Variants in MCF2L2 observed in about 807,000 individuals in gnomAD.
The protein encoded by MCF2L2 is MCF.2 cell line derived transforming sequence-like 2.
In MCF2L2, 102 loss-of-function variants were observed where a neutral mutation model predicts 150.2. The observed-to-expected ratio is 0.68, with a 90% CI of 0.58 to 0.80. The LOEUF (loss-of-function observed/expected upper bound fraction) is 0.80. MCF2L2 is among the 30% of genes least tolerant of loss of function. The pLI, the probability that MCF2L2 is intolerant of heterozygous loss-of-function variation, is 0.00. For missense variants in MCF2L2, 1,256 were observed against 1,372.8 expected (o/e 0.91, Z 1.34); for synonymous variants, 465 against 491.3 (o/e 0.95, Z 0.71).
chr3:183,425,662 C>T (rs542566880), intron 1 of MCF2L2, among the ~76,000 whole-genome samples: 25 of 152,274 alleles, frequency 1.6e-4, no homozygotes, highest in African/African-American at 6.0e-4. Context: ...GAGCCTGCCA[C>T]TCACTCCCCC....
In MCF2L2 at chr3:183,311,023, T is replaced by C. The variant is rs751824213; in HGVS notation, c.885A>G (p.Leu295=). The C allele has an allele frequency of 6.3e-7, 1 of 1,594,144 alleles. No homozygotes were observed. Among genetic ancestry groups the C allele is most frequent in the South Asian group, 1.1e-5 (1 of 90,602 alleles). ...CTTTTTCTGTTTCATCCAGTTGAAC[T>C]AATAACCTTTCAAGAAAGAATGAGA... ...LENVTTMERL[L]VQLDETEKAF... is the part of the protein sequence containing the mutation. Residue 295 remains leucine, a synonymous_variant, in exon 9 of 30, where the codon TTA becomes TTG. Coordinates refer to ENST00000328913, the MANE Select transcript of MCF2L2 (RefSeq NM_015078.4).
At chr3:183,384,052 C>T (rs1011384382) in intron 2 of MCF2L2, among the ~76,000 whole-genome samples, 3 of 152,226 alleles carry the variant, frequency 2.0e-5, no homozygotes, top group Non-Finnish European at 4.4e-5. Context: ...CATTCCTGAA[C>T]CTCCACATGG....
At chr3:183,191,002 C>T (rs1721867569) in intron 27 of MCF2L2, among the ~76,000 whole-genome samples, 1 of 152,172 alleles carries the variant, frequency 6.6e-6, no homozygotes, top group South Asian at 2.1e-4. Flanking sequence ...TCTCCTGCCT[C>T]AGCCTCCCGA....
chr3:183,361,543 G>A (rs767159449), intron 3 of MCF2L2, among the ~76,000 whole-genome samples: 20 of 152,168 alleles, frequency 1.3e-4, no homozygotes, highest in Non-Finnish European at 2.8e-4. Context: ...GCCATGGTAA[G>A]GCATGCTTGC....
chr3:183,359,957 G>A (rs1712026087), intron 3 of MCF2L2, among the ~76,000 whole-genome samples: 1 of 151,928 alleles, frequency 6.6e-6, no homozygotes, highest in Non-Finnish European at 1.5e-5. Context: ...TGGAAAACGT[G>A]GGTATTGAAA....
intron 15 of MCF2L2, among the ~76,000 whole-genome samples, chr3:183,251,713 C>T (rs1051506917): frequency 3.9e-5 from 6 of 152,056 alleles, no homozygotes; most frequent in African/African-American, 1.4e-4. Flanking sequence ...GAGCATAGCA[C>T]CATCAATACC....
chr3:183,407,359 T>C (rs1243137801), intron 1 of MCF2L2, among the ~76,000 whole-genome samples: 1 of 152,258 alleles, frequency 6.6e-6, no homozygotes. Flanking sequence ...CTATAGTATC[T>C]CTTTTAGCTG....
intron 27 of MCF2L2, among the ~76,000 whole-genome samples, chr3:183,192,057 G>C (rs751199914): frequency 5.3e-5 from 8 of 150,902 alleles, no homozygotes; most frequent in Non-Finnish European, 8.8e-5. Flanking sequence ...CACTGTGTTA[G>C]CCAGGGTGAT....
At chr3:183,204,992 T>C (rs946719682) in intron 25 of MCF2L2, among the ~76,000 whole-genome samples, 1 of 152,114 alleles carries the variant, frequency 6.6e-6, no homozygotes, top group Non-Finnish European at 1.5e-5. Context: ...AGGTGAGAGA[T>C]GGAGAATGAT....
chr3:183,227,875 C>T lies in MCF2L2; in HGVS notation c.2115+422G>A, dbSNP rs61627892. 0.5 allele frequency: 79,958 copies of T among 161,288 alleles called. 21,565 individuals are homozygous for T. Among genetic ancestry groups the T allele is most frequent in the East Asian group, 0.68 (3,912 of 5,712 alleles). 10.0% of individuals were successfully genotyped at this position (161,288 alleles called of 1,614,324 possible). A position where few individuals can be genotyped will look rare whatever the true frequency, so the allele number is the denominator to read the frequency against. On this transcript the variant is annotated intron_variant, in intron 18 of 29. Transcript: ENST00000328913. The surrounding 1 kb of genome is among the most constrained non-coding windows in gnomAD (Gnocchi z 4.0). ...GTATTATTCCATGATAGTCGCCATG[C>T]TGTGCGTTACATCTCCAGGACTTAC...
intron 25 of MCF2L2, among the ~76,000 whole-genome samples, chr3:183,201,671 A>G (rs1314078471): frequency 2.6e-5 from 4 of 152,104 alleles, no homozygotes; most frequent in Non-Finnish European, 4.4e-5. Flanking sequence ...GTTGAGTAGG[A>G]GTGGTGAGAG....
intron 15 of MCF2L2, among the ~76,000 whole-genome samples, chr3:183,258,684 T>C (rs544160947): frequency 6.6e-6 from 1 of 152,212 alleles, no homozygotes; most frequent in East Asian, 1.9e-4. Flanking sequence ...GTCCCTTATA[T>C]AAAATGGTAC....
chr3:183,210,988 G>C (rs6787284), intron 22 of MCF2L2, among the ~76,000 whole-genome samples: 1 of 151,918 alleles, frequency 6.6e-6, no homozygotes, highest in African/African-American at 2.4e-5. Context: ...GGAGGAAGTG[G>C]TGACCAGCAG....
Position 183,228,345 on chromosome 3 carries a change from T to C in MCF2L2, c.2067A>G (p.Glu689=). 6.2e-7 allele frequency: 1 copy of C among 1,613,210 alleles called. No individual in the cohort carries two copies. Among genetic ancestry groups the C allele is most frequent in the Non-Finnish European group, 8.5e-7 (1 of 1,179,334 alleles). ...GAAGTTCAGGGTTCTCAGCACACTT[T>C]TCCAACTCTTTTAGAAAAGTCCTAG... ...FHNRTFLKEL[E]KCAENPELLA... is the part of the protein sequence containing the mutation. The change falls in exon 18 of 30, where the codon GAA becomes GAG. Residue 689 remains glutamate (E), a synonymous_variant. Coordinates refer to ENST00000328913, the MANE Select transcript of MCF2L2 (RefSeq NM_015078.4).
At chr3:183,369,955 A>G (rs1184922984) in intron 3 of MCF2L2, among the ~76,000 whole-genome samples, 2 of 152,132 alleles carry the variant, frequency 1.3e-5, no homozygotes, top group Non-Finnish European at 2.9e-5. Flanking sequence ...AACTTCTCCA[A>G]CTTCATCTCA....
At chr3:183,413,296 A>G (rs73061124) in intron 1 of MCF2L2, among the ~76,000 whole-genome samples, 8,811 of 152,280 alleles carry the variant, frequency 0.058, 463 homozygotes, top group African/African-American at 0.14. Flanking sequence ...ACAGTTGATT[A>G]ACACTAATTT....
In MCF2L2 at chr3:183,314,236, A is replaced by T. The variant is rs539103206; in HGVS notation, c.754-2464T>A. The stretch of plus-strand genomic sequence containing the variant: ...GGGAGCACTCTCTGATTGTAAGAAT[A>T]CATTAAGGCCCAAACTGTAGCTCAG... On this transcript the variant is annotated intron_variant, in intron 7 of 29. Coordinates refer to ENST00000328913, the MANE Select transcript of MCF2L2 (RefSeq NM_015078.4). Among the ~76,000 whole-genome samples the T allele has an allele frequency of 5.3e-5, 8 of 152,290 alleles. 1 individual carries two copies. In the East Asian group the frequency reaches 1.5e-3, roughly 29 times the overall value.
Position 183,406,581 on chromosome 3 carries a change from C to T in MCF2L2, c.77-16802G>A, listed in dbSNP as rs183774956. 2.4e-4 allele frequency among the ~76,000 whole-genome samples: 36 copies of T among 152,250 alleles called. No homozygotes were observed. The East Asian group carries it at 5.6e-3, about 24-fold the overall frequency. ...TCGGCTCACTGCAACCTCTGCCACC[C>T]GGGTCCAAGCGATTCTCCTGCCTCA... On this transcript the variant is annotated intron_variant, in intron 1 of 29. Transcript: ENST00000328913.
At chr3:183,318,285 A>G in intron 6 of MCF2L2, 68 bp from the exon 7 acceptor site, 2 of 1,546,000 alleles carry the variant, frequency 1.3e-6, no homozygotes, top group Admixed American at 3.3e-5. Flanking sequence ...CTTGATGGAA[A>G]GACAACAGAT....
Sources: gnomAD v4.1 joint callset for allele counts (sites outside exome capture counted in the v4.1 genomes callset) on GRCh38, gnomAD v4.1.1 for gene constraint, Gnocchi (gnomAD v3.1) non-coding constraint, MANE v1.5 for transcripts, NCBI Gene and HGNC (gene_info 2026-07-23, HGNC 2026-07-21) for gene names.